The following RFX4 variants were observed in gnomAD, a reference collection of about 807,000 sequenced individuals.
RFX4 encodes regulatory factor X4, also known as transcription factor RFX4.
A neutral mutation model predicts 95.0 loss-of-function variants in RFX4; 10 were observed. The observed-to-expected ratio is 0.11, with a 90% CI of 0.06 to 0.18. The LOEUF is 0.18. Among genes scored for constraint, RFX4 ranks in the 10% least tolerant of loss-of-function variants. RFX4 has a pLI of 1.00. For missense variants in RFX4, 640 were observed against 922.0 expected (o/e 0.69, Z 3.96); for synonymous variants, 321 against 340.7 (o/e 0.94, Z 0.64).
intron 4 of RFX4, among the ~76,000 whole-genome samples, chr12:106,674,529 C>T (rs972593990): frequency 2.0e-5 from 3 of 152,008 alleles, no homozygotes; most frequent in South Asian, 2.1e-4. Context: ...CGGGGTTTCA[C>T]CATGTTGTCC....
chr12:106,722,293 C>T (rs1023221113), intron 13 of RFX4, among the ~76,000 whole-genome samples: 1 of 152,242 alleles, frequency 6.6e-6, no homozygotes, highest in African/African-American at 2.4e-5. Flanking sequence ...CACATATCCA[C>T]ATCCACACAG....
chr12:106,733,059 C>T lies in RFX4; in HGVS notation c.1607C>T (p.Pro536Leu), dbSNP rs1050496713. The T allele has an allele frequency of 6.2e-7, 1 of 1,614,190 alleles. No individual in the cohort carries two copies. Among genetic ancestry groups the T allele is most frequent in the Non-Finnish European group, 8.5e-7 (1 of 1,180,016 alleles). Residue 536 changes from proline to leucine, a missense_variant, in exon 15 of 18, where the codon CCT becomes CTT. Pro to Leu is a moderately conservative substitution (Grantham distance 98). Transcript: ENST00000392842. ...PPSSPVSNPS[P>L]EYTGLSTTGA... ...TCTTCCCCTGTTAGCAATCCTTCCC[C>T]TGAGTACACTGGCCTCAGCACTACA... is the stretch of plus-strand genomic sequence containing the variant.
intron 4 of RFX4, among the ~76,000 whole-genome samples, chr12:106,660,415 C>G (rs1180539569): frequency 6.6e-6 from 1 of 151,778 alleles, no homozygotes; most frequent in Non-Finnish European, 1.5e-5. Context: ...TCCATGGAAG[C>G]TAAAGTGGGT....
intron 1 of RFX4, among the ~76,000 whole-genome samples, chr12:106,607,848 G>A (rs369389351): frequency 6.6e-6 from 1 of 152,062 alleles, no homozygotes; most frequent in African/African-American, 2.4e-5. Context: ...TACATTGGTA[G>A]CCTTTGAAAT....
chr12:106,686,678 A>T (rs1386881960), intron 5 of RFX4, among the ~76,000 whole-genome samples: 1 of 152,064 alleles, frequency 6.6e-6, no homozygotes, highest in East Asian at 1.9e-4. Flanking sequence ...TGCCTGATTG[A>T]TGGCTGGCAC....
chr12:106,739,004 T>A (rs2042760256), intron 15 of RFX4, among the ~76,000 whole-genome samples: 1 of 148,628 alleles, frequency 6.7e-6, no homozygotes, highest in African/African-American at 2.4e-5. Flanking sequence ...TCATGCCCAG[T>A]TAATTTTTAT....
At chr12:106,756,436 AG>A (rs1305914123) in intron 17 of RFX4, among the ~76,000 whole-genome samples, 2 of 152,232 alleles carry the variant, frequency 1.3e-5, no homozygotes, top group Admixed American at 1.3e-4. Context: ...GCAGAGGCCC[AG>A]CCTTATCAGC....
chr12:106,756,171 C>T (rs1486636900), intron 17 of RFX4, among the ~76,000 whole-genome samples: 1 of 152,180 alleles, frequency 6.6e-6, no homozygotes, highest in Non-Finnish European at 1.5e-5. Flanking sequence ...TTTGGAAAAA[C>T]ATTGCAACTG....
At chr12:106,640,742 G>A (rs1392751353) in intron 3 of RFX4, among the ~76,000 whole-genome samples, 1 of 151,826 alleles carries the variant, frequency 6.6e-6, no homozygotes, top group African/African-American at 2.4e-5. Flanking sequence ...AGGACTCTGG[G>A]AGTGGGAGTT....
intron 16 of RFX4, among the ~76,000 whole-genome samples, chr12:106,749,790 C>T (rs921544668): frequency 1.1e-4 from 17 of 152,258 alleles, no homozygotes; most frequent in African/African-American, 3.6e-4. Context: ...GAAAGTCACA[C>T]AGCTAGAAAG....
chr12:106,592,065 C>G (rs1054267996), intron 1 of RFX4, among the ~76,000 whole-genome samples: 1 of 152,106 alleles, frequency 6.6e-6, no homozygotes, highest in Non-Finnish European at 1.5e-5. Context: ...TAAGATTGCA[C>G]GTGTTAAGTA....
chr12:106,700,459 T>G (rs2041965743), intron 8 of RFX4, among the ~76,000 whole-genome samples: 1 of 144,764 alleles, frequency 6.9e-6, no homozygotes, highest in Non-Finnish European at 1.5e-5. Flanking sequence ...CAGGCTGGAG[T>G]GCAGTGGCGC....
At chr12:106,615,917 C>T (rs1394215473) in intron 2 of RFX4, among the ~76,000 whole-genome samples, 4 of 152,202 alleles carry the variant, frequency 2.6e-5, no homozygotes, top group African/African-American at 9.7e-5. Flanking sequence ...ATAATGACAG[C>T]TTTGCACCTT....
intron 1 of RFX4, among the ~76,000 whole-genome samples, chr12:106,590,282 G>A (rs1176650352): frequency 6.6e-6 from 1 of 152,184 alleles, no homozygotes; most frequent in African/African-American, 2.4e-5. Context: ...ATATGAAAGT[G>A]GTAATAGTTA....
At position 106,718,162 on chromosome 12, in the gene RFX4, A is replaced by AGAGACCTTGGTT. The variant is rs576547609; in HGVS notation, c.1139-1798_1139-1797insGAGACCTTGGTT. Among the ~76,000 whole-genome samples, 126 of 152,328 alleles carry AGAGACCTTGGTT rather than the reference A, an allele frequency of 8.3e-4. 1 individual carries two copies. Among genetic ancestry groups the AGAGACCTTGGTT allele is most frequent in the African/African-American group, 2.9e-3 (120 of 41,584 alleles). ...GGGATCCCTGGGGCTGGGATGCCCA[A>AGAGACCTTGGTT]CAGACCTTGGTTCAAACCTTGCTCT... On this transcript the variant is annotated intron_variant, in intron 11 of 17. Transcript: ENST00000392842.
chr12:106,609,015 T>C, intron 2 of RFX4, 132 bp downstream of exon 2: 1 of 708,154 alleles, frequency 1.4e-6, no homozygotes, highest in Non-Finnish European at 2.4e-6. Flanking sequence ...ATTTATGAAA[T>C]ATCCCAGGTC....
intron 2 of RFX4, among the ~76,000 whole-genome samples, chr12:106,613,772 T>C (rs1373891471): frequency 1.3e-5 from 2 of 152,256 alleles, no homozygotes; most frequent in East Asian, 1.9e-4. Context: ...AATTCGAATA[T>C]GTTCCCTCCT....
At chr12:106,669,839 G>GTCTGTGTGTGTGT (rs1565972599) in intron 4 of RFX4, among the ~76,000 whole-genome samples, 1 of 143,158 alleles carries the variant, frequency 7.0e-6, no homozygotes, top group Non-Finnish European at 1.5e-5. Flanking sequence ...TTTTTCTAGG[G>GTCTGTGTGTGTGT]GTGTGTGTGT....
At chr12:106,678,168 G>A (rs2041434173) in intron 4 of RFX4, among the ~76,000 whole-genome samples, 1 of 152,138 alleles carries the variant, frequency 6.6e-6, no homozygotes, top group Admixed American at 6.5e-5. Flanking sequence ...ACACGTTATT[G>A]CCTCACAGAG....
Sources: allele counts gnomAD v4.1 joint callset (sites outside exome capture counted in the v4.1 genomes callset), GRCh38; gene constraint gnomAD v4.1.1; transcripts MANE v1.5; gene names NCBI Gene and HGNC (gene_info 2026-07-23, HGNC 2026-07-21).